The following NSUN6 variants were observed in gnomAD, a reference collection of about 807,000 sequenced individuals.
The protein encoded by NSUN6 is tRNA (cytosine(72)-C(5))-methyltransferase NSUN6.
In NSUN6, 64 loss-of-function variants were observed where a neutral mutation model predicts 58.0. The observed-to-expected ratio is 1.10, with a 90% CI of 0.90 to 1.36. The LOEUF (loss-of-function observed/expected upper bound fraction) is 1.36, where lower values mean the gene tolerates loss of function less well. Ranked by LOEUF, NSUN6 falls within the 40% of genes most tolerant of loss-of-function variation. The pLI is 0.00. For synonymous variants in NSUN6, 231 were observed against 193.9 expected (o/e 1.19, Z -1.59); for missense variants, 701 against 550.1 (o/e 1.27, Z -2.74).
chr10:18,591,017 A>C (rs984078987), intron 7 of NSUN6, among the ~76,000 whole-genome samples: 1 of 152,222 alleles, frequency 6.6e-6, no homozygotes, highest in African/African-American at 2.4e-5. Flanking sequence ...AAAACAAAGA[A>C]GAATCAAACA....
At chr10:18,650,886 G>A (rs1015748776) in intron 1 of NSUN6, among the ~76,000 whole-genome samples, 2 of 152,232 alleles carry the variant, frequency 1.3e-5, no homozygotes, top group African/African-American at 4.8e-5. Context: ...TGCCATGCCT[G>A]ACAGGCACAT....
chr10:18,632,940 T>C (rs2059086372), intron 3 of NSUN6, among the ~76,000 whole-genome samples: 1 of 152,166 alleles, frequency 6.6e-6, no homozygotes, highest in Non-Finnish European at 1.5e-5. Flanking sequence ...CATGCTGCTA[T>C]AAAGACACGT....
chr10:18,655,247 GTTCC>G, upstream of NSUN6: 1 of 584,324 alleles, frequency 1.7e-6, no homozygotes, highest in Non-Finnish European at 2.2e-6. Flanking sequence ...GTTTAGCAGG[GTTCC>G]TGGGCAATCT....
At chr10:18,654,979 T>A, upstream of NSUN6, 1 of 670,276 alleles carries the variant, frequency 1.5e-6, no homozygotes, top group Non-Finnish European at 1.8e-6. Flanking sequence ...AAATCAATCT[T>A]GGATTGGTTC....
chr10:18,586,024 C>G lies in NSUN6; in HGVS notation c.847G>C (p.Gly283Arg). Residue 283 changes from glycine (G) to arginine (R), a missense_variant, in exon 8 of 11, where the codon GGG (glycine) becomes CGG (arginine). Transcript: ENST00000377304. ...CAAAATGCCCTGATGGAATTCAGCC[C>G]TAACAATAAGGCATTCTGTTTGATT... ...EKIKQNALLL[G>R]LNSIRAFCFD... is the part of the protein sequence containing the mutation. 1.2e-6 allele frequency: 2 copies of G among 1,612,226 alleles called. No individual in the cohort carries two copies. The highest frequency in any genetic ancestry group is 1.7e-4 in the Middle Eastern group (1 of 6,054).
chr10:18,614,443 A>C lies in NSUN6; in HGVS notation c.575+17T>G. On this transcript the variant is annotated intron_variant, in intron 5 of 10. Transcript: ENST00000377304. ...ACAAAAAGGATGCTGATTTCCCCAA[A>C]GCACCTGATGACATACTTCAGTTCA... 2.1e-6 allele frequency: 3 copies of C among 1,423,226 alleles called. No individual in the cohort carries two copies. Among genetic ancestry groups the C allele is most frequent in the Non-Finnish European group, 2.8e-6 (3 of 1,074,006 alleles). The allele number at this position is 1,423,226 out of a possible 1,614,324, so 88.2% of individuals were successfully genotyped here. A position where few individuals can be genotyped will look rare whatever the true frequency, so the allele number is the denominator to read the frequency against.
intron 7 of NSUN6, among the ~76,000 whole-genome samples, chr10:18,586,509 G>A (rs2057149945): frequency 6.6e-6 from 1 of 152,016 alleles, no homozygotes; most frequent in Non-Finnish European, 1.5e-5. Context: ...GTTCCTCCGG[G>A]TGGGTTCGTG....
intron 8 of NSUN6, among the ~76,000 whole-genome samples, chr10:18,573,323 T>TCCATTCCATTAC (rs1459840383): frequency 6.6e-6 from 1 of 151,842 alleles, no homozygotes; most frequent in Non-Finnish European, 1.5e-5. Flanking sequence ...CATTCTCCAT[T>TCCATTCCATTAC]CCATTCCATT....
chr10:18,602,895 T>C (rs2057902567), intron 6 of NSUN6, among the ~76,000 whole-genome samples: 1 of 152,332 alleles, frequency 6.6e-6, no homozygotes, highest in East Asian at 1.9e-4. Flanking sequence ...AAGTGGTAAG[T>C]CAAAGTTATT....
chr10:18,561,594 A>AGAATG lies in NSUN6; in HGVS notation c.923-9628_923-9624dup, dbSNP rs1313889518. On this transcript the variant is annotated intron_variant, in intron 8 of 10. Transcript: ENST00000377304. ...TGAAATGGAATGGAGGATGGAATGG[A>AGAATG]GAATGGAATGGAATGCAGTGGTGAA... is the stretch of plus-strand genomic sequence containing the variant. Among the ~76,000 whole-genome samples, 4 of 138,308 alleles carry AGAATG rather than the reference A, an allele frequency of 2.9e-5. No individual in the cohort carries two copies. The Admixed American group carries it at 2.9e-4, about 10-fold the overall frequency. 90.7% of individuals were successfully genotyped at this position (138,308 alleles called of 152,430 possible). A position where few individuals can be genotyped will look rare whatever the true frequency, so the allele number is the denominator to read the frequency against.
At position 18,616,297 on chromosome 10, in the gene NSUN6, G is replaced by T; in HGVS notation, c.312-4C>A. On this transcript the variant is annotated splice_region_variant and splice_polypyrimidine_tract_variant and intron_variant, in intron 3 of 10. Coordinates refer to ENST00000377304, the MANE Select transcript of NSUN6 (RefSeq NM_182543.5). ...CTGTTGTTTTTTAATATTCTTTCTAGAAATGTAAGACACAAGAAGTTTAAT... is the reference window on the plus strand; with the variant it reads ...CTGTTGTTTTTTAATATTCTTTCTATAAATGTAAGACACAAGAAGTTTAAT... 3 of 1,561,974 alleles carry T rather than the reference G, an allele frequency of 1.9e-6. No homozygotes were observed. The highest frequency in any genetic ancestry group is 1.7e-4 in the Middle Eastern group (1 of 5,948).
At chr10:18,571,340 A>C (rs1415749562) in intron 8 of NSUN6, among the ~76,000 whole-genome samples, 2 of 136,364 alleles carry the variant, frequency 1.5e-5, no homozygotes, top group East Asian at 4.4e-4. Context: ...ATTCCCTTGC[A>C]TTCTCCAGTG....
intron 7 of NSUN6, among the ~76,000 whole-genome samples, chr10:18,594,982 C>T (rs930519234): frequency 2.0e-5 from 3 of 152,286 alleles, no homozygotes; most frequent in Middle Eastern, 3.4e-3. Flanking sequence ...CCATCACCAG[C>T]CCCCAACTAC....
rs540095292 is a variant in NSUN6, at chr10:18,590,752, A to G, written c.778-4659T>C. Among the ~76,000 whole-genome samples, 13 of 152,348 alleles carry G rather than the reference A, an allele frequency of 8.5e-5. No individual in the cohort carries two copies. The East Asian group carries it at 2.5e-3, about 29-fold the overall frequency. ...TACCAGAATCTCTGGGACACAGTTA[A>G]TGCAGTGTTAAGAGGGAAATTTATA... On this transcript the variant is annotated intron_variant, in intron 7 of 10. Coordinates refer to ENST00000377304, the MANE Select transcript of NSUN6 (RefSeq NM_182543.5).
chr10:18,599,514 C>G (rs1474929004), intron 6 of NSUN6, among the ~76,000 whole-genome samples: 2 of 152,168 alleles, frequency 1.3e-5, no homozygotes, highest in Admixed American at 1.3e-4. Context: ...AAAATCAAGT[C>G]AGAATTTCCA....
Position 18,647,734 on chromosome 10 carries a change from T to TTG in NSUN6, c.231+755_231+756insCA, listed in dbSNP as rs200116302. 6.6e-4 allele frequency among the ~76,000 whole-genome samples: 86 copies of TTG among 130,046 alleles called. 1 individual carries two copies. The highest frequency in any genetic ancestry group is 3.8e-3 in the Middle Eastern group (1 of 260). 85.3% of individuals were successfully genotyped at this position (130,046 alleles called of 152,430 possible). On this transcript the variant is annotated intron_variant, in intron 2 of 10. Transcript: ENST00000377304. The stretch of plus-strand genomic sequence containing the variant: ...AGGCGCTCAACACCTTGTTTTTTTT[T>TTG]TTTTTTTTTTTTTTTTTTGAGACAG...
intron 3 of NSUN6, among the ~76,000 whole-genome samples, chr10:18,630,207 G>C (rs1047807162): frequency 6.8e-6 from 1 of 147,324 alleles, no homozygotes; most frequent in Non-Finnish European, 1.5e-5. Flanking sequence ...TGAAACCAAC[G>C]AGAACAAAGA....
chr10:18,560,460 G>A (rs2055407657), intron 8 of NSUN6, among the ~76,000 whole-genome samples: 1 of 150,352 alleles, frequency 6.7e-6, no homozygotes, highest in Non-Finnish European at 1.5e-5. Context: ...GCATGCACTG[G>A]TGAATAGAAA....
upstream of NSUN6, chr10:18,652,614 G>T: frequency 2.1e-6 from 2 of 940,180 alleles, no homozygotes; most frequent in Non-Finnish European, 2.5e-6. Context: ...AGACTGGAGT[G>T]GAATGGTGGG....
Sources: gnomAD v4.1 joint callset for allele counts (sites outside exome capture counted in the v4.1 genomes callset) on GRCh38, gnomAD v4.1.1 for gene constraint, MANE v1.5 for transcripts, NCBI Gene and HGNC (gene_info 2026-07-23, HGNC 2026-07-21) for gene names.